RIMS2: variants seen among roughly 807,000 people sequenced by gnomAD.
The protein encoded by RIMS2 is regulating synaptic membrane exocytosis protein 2.
A neutral mutation model predicts 174.4 loss-of-function variants in RIMS2; 59 were observed. The ratio of observed to expected loss-of-function variants is 0.34; its 90% confidence interval spans 0.27 to 0.42. RIMS2 has a LOEUF of 0.42. Ranked by LOEUF, RIMS2 falls within the 10% of genes least tolerant of loss-of-function variation. RIMS2 has a pLI of 1.00. For missense variants in RIMS2, 1,620 were observed against 1,666.3 expected (o/e 0.97, Z 0.48); for synonymous variants, 606 against 572.5 (o/e 1.06, Z -0.84).
intron 19 of RIMS2, among the ~76,000 whole-genome samples, 195 bp downstream of exon 25, chr8:104,149,043 G>A (rs889072154): frequency 1.8e-4 from 28 of 152,200 alleles, no homozygotes; most frequent in Admixed American, 1.8e-3. Flanking sequence ...CTGCTTCCAA[G>A]TGAACCTTGG....
At chr8:104,225,894 A>C (rs751937019) in intron 19 of RIMS2, among the ~76,000 whole-genome samples, 13 of 152,200 alleles carry the variant, frequency 8.5e-5, no homozygotes, top group Non-Finnish European at 1.5e-4. Flanking sequence ...CACGAGTAGA[A>C]ATCTTAACTT....
intron 3 of RIMS2, among the ~76,000 whole-genome samples, chr8:103,800,371 G>A (rs577969378): frequency 1.1e-4 from 16 of 152,150 alleles, no homozygotes; most frequent in Non-Finnish European, 1.9e-4. Context: ...TAAAATGTTA[G>A]ATAGAAGTGG....
intron 5 of RIMS2, 102 bp from the exon 8 acceptor site, chr8:103,910,219 T>C: frequency 3.2e-6 from 5 of 1,574,972 alleles, no homozygotes; most frequent in Non-Finnish European, 4.3e-6. Flanking sequence ...ATGTGGAGCC[T>C]TACTATTTAA....
chr8:104,071,712 A>G (rs1477740547), intron 19 of RIMS2, among the ~76,000 whole-genome samples: 2 of 152,186 alleles, frequency 1.3e-5, no homozygotes, highest in East Asian at 3.9e-4. Context: ...CTGGGATTAC[A>G]GGCATGAGCC....
At position 103,934,729 on chromosome 8, in the gene RIMS2, C is replaced by A. The variant is rs1001396831; in HGVS notation, c.2376-1822C>A. Among the ~76,000 whole-genome samples the A allele has an allele frequency of 3.2e-4, 47 of 147,616 alleles. 1 individual carries two copies. Among genetic ancestry groups the A allele is most frequent in the Non-Finnish European group, 2.4e-4 (16 of 67,078 alleles). ...TTTTTTTTTTTGAGACAGAGTTTCA[C>A]TCTTTTTGCCCAGGCTGGAGTGCAA... On this transcript the variant is annotated intron_variant, in intron 12 of 23. Coordinates refer to ENST00000504942, the Ensembl canonical transcript of RIMS2.
At chr8:104,082,627 A>G (rs1217110909) in intron 19 of RIMS2, among the ~76,000 whole-genome samples, 1 of 152,158 alleles carries the variant, frequency 6.6e-6, no homozygotes, top group Non-Finnish European at 1.5e-5. Context: ...CTGGGACAAG[A>G]TTGTGGAGAA....
At chr8:104,033,554 T>A (rs1482318882) in intron 19 of RIMS2, among the ~76,000 whole-genome samples, 3 of 151,966 alleles carry the variant, frequency 2.0e-5, no homozygotes, top group Non-Finnish European at 4.4e-5. Flanking sequence ...AGATCTATTT[T>A]AAATATTTTA....
chr8:104,190,653 G>C (rs2098992732), intron 19 of RIMS2, among the ~76,000 whole-genome samples: 1 of 152,048 alleles, frequency 6.6e-6, no homozygotes, highest in Non-Finnish European at 1.5e-5. Flanking sequence ...GGCTCTGGGT[G>C]CGCAATGACT....
At chr8:104,067,001 C>T (rs917368883) in intron 19 of RIMS2, among the ~76,000 whole-genome samples, 1 of 151,904 alleles carries the variant, frequency 6.6e-6, no homozygotes, top group Admixed American at 6.6e-5. Context: ...GAGAATAATA[C>T]TAAAAAATTA....
chr8:104,025,200 G>T (rs1483403539), intron 19 of RIMS2, among the ~76,000 whole-genome samples: 1 of 152,092 alleles, frequency 6.6e-6, no homozygotes, highest in Non-Finnish European at 1.5e-5. Flanking sequence ...ACAAATAGTT[G>T]TCACATAATA....
chr8:104,055,780 C>G (rs1597867485), intron 19 of RIMS2, among the ~76,000 whole-genome samples: 1 of 152,256 alleles, frequency 6.6e-6, no homozygotes, highest in East Asian at 1.9e-4. Context: ...TAAGAGCAGT[C>G]TGGGACTCTT....
chr8:103,999,141 C>G (rs151128471), intron 17 of RIMS2, among the ~76,000 whole-genome samples: 1 of 151,734 alleles, frequency 6.6e-6, no homozygotes, highest in African/African-American at 2.4e-5. Flanking sequence ...ACTGTTGTTT[C>G]TAAGTGATTT....
chr8:103,939,816 A>T (rs2082118718), intron 13 of RIMS2, among the ~76,000 whole-genome samples: 1 of 152,176 alleles, frequency 6.6e-6, no homozygotes, highest in South Asian at 2.1e-4. Context: ...TCAAAATTCC[A>T]CAAATCTCTA....
intron 1 of RIMS2, among the ~76,000 whole-genome samples, chr8:103,657,436 A>T (rs906945124): frequency 6.6e-6 from 1 of 152,214 alleles, no homozygotes; most frequent in Non-Finnish European, 1.5e-5. Context: ...TATCCTCTAT[A>T]TAATGAGTTC....
At chr8:103,563,700 G>GT (rs2091951182) in intron 1 of RIMS2, among the ~76,000 whole-genome samples, 1 of 152,048 alleles carries the variant, frequency 6.6e-6, no homozygotes, top group Non-Finnish European at 1.5e-5. Context: ...CCAATTTACT[G>GT]TATTAGTCCA....
At chr8:103,948,607 TATAAC>T (rs2084421228) in intron 14 of RIMS2, among the ~76,000 whole-genome samples, 1 of 152,150 alleles carries the variant, frequency 6.6e-6, no homozygotes, top group African/African-American at 2.4e-5. Flanking sequence ...ATTCTACTTA[TATAAC>T]ATATATAGAA....
rs117732827 is a variant in RIMS2, at chr8:104,174,867, C to G, written c.3335-70049C>G. On this transcript the variant is annotated intron_variant, in intron 19 of 23. Transcript: ENST00000504942. The stretch of plus-strand genomic sequence containing the variant: ...TACCTGATCCCTATTAAAGTGTTTT[C>G]AGATTCTTTCACCCTTTTTATTTTC... Among the ~76,000 whole-genome samples, 40 of 152,222 alleles carry G rather than the reference C, an allele frequency of 2.6e-4. 1 individual carries two copies. The East Asian group carries it at 7.5e-3, about 29-fold the overall frequency.
In RIMS2 at chr8:104,190,106, C is replaced by G. The variant is rs148843859; in HGVS notation, c.3335-54810C>G. Among the ~76,000 whole-genome samples the G allele has an allele frequency of 4.6e-3, 695 of 152,076 alleles. 9 individuals carry two copies. The highest frequency in any genetic ancestry group is 0.016 in the African/African-American group (654 of 41,512). ...TTACTTGAGGCCAGAAGTTCAAGACCAGCCTGACAACATAATAAGACCTTC... is the reference window on the plus strand; with the variant it reads ...TTACTTGAGGCCAGAAGTTCAAGACGAGCCTGACAACATAATAAGACCTTC... On this transcript the variant is annotated intron_variant, in intron 19 of 23. Transcript: ENST00000504942.
intron 19 of RIMS2, among the ~76,000 whole-genome samples, chr8:104,098,104 G>A (rs1191886214): frequency 6.6e-6 from 1 of 152,096 alleles, no homozygotes; most frequent in Non-Finnish European, 1.5e-5. Context: ...CATTTAGTAA[G>A]TCTACTGAAT....
Sources: allele counts gnomAD v4.1 joint callset (sites outside exome capture counted in the v4.1 genomes callset), GRCh38; gene constraint gnomAD v4.1.1; transcripts MANE v1.5; gene names NCBI Gene and HGNC (gene_info 2026-07-23, HGNC 2026-07-21).